The following DENND6A variants were observed in gnomAD, a reference collection of about 807,000 sequenced individuals.
DENND6A encodes the protein protein DENND6A.
DENND6A carries 43 observed loss-of-function variants against 95.5 expected under a neutral mutation model. That is an observed-to-expected ratio of 0.45 (90% CI 0.35 to 0.58). The LOEUF (loss-of-function observed/expected upper bound fraction) is 0.58. Ranked by LOEUF, DENND6A falls within the 20% of genes least tolerant of loss-of-function variation. DENND6A has a pLI of 0.00. For synonymous variants in DENND6A, 257 were observed against 260.4 expected, an observed-to-expected ratio of 0.99 and a Z score of 0.13; for missense variants, 574 against 736.0, an observed-to-expected ratio of 0.78 and a Z score of 2.55.
chr3:57,686,806 G>A (rs192538460), intron 1 of DENND6A, among the ~76,000 whole-genome samples: 264 of 152,130 alleles, frequency 1.7e-3, no homozygotes, highest in African/African-American at 6.0e-3. Flanking sequence ...TCCCTATTCC[G>A]TAAGACACAA....
intron 5 of DENND6A, 78 bp downstream of exon 5, chr3:57,663,558 A>C: frequency 1.0e-6 from 1 of 962,318 alleles, no homozygotes; most frequent in Non-Finnish European, 1.5e-6. Flanking sequence ...GACTTTAAAG[A>C]CTCTTAAATC....
rs1477286657 is a variant in DENND6A at position 57,630,780 on chromosome 3, T to C, written c.1452A>G (p.Lys484=). 2.5e-6 allele frequency: 4 copies of C among 1,613,954 alleles called. No individual in the cohort carries two copies. Among genetic ancestry groups the C allele is most frequent in the Non-Finnish European group, 3.4e-6 (4 of 1,179,998 alleles). Residue 484 remains lysine, a synonymous_variant, in exon 17 of 20, where the codon AAA becomes AAG. Coordinates refer to ENST00000311128, the MANE Select transcript of DENND6A (RefSeq NM_152678.3). ...GCTGAGGTCCTGTTTTCTCAAGTGT[T>C]TTCATAAATTCTTCTGGAAGAAACT... ...LRQFLPEEFM[K]TLEKTGPQLT...
chr3:57,628,325 G>A lies in DENND6A; in HGVS notation c.1716C>T (p.His572=). The change falls in exon 20 of 20, where the codon CAC becomes CAT. Residue 572 remains histidine (H), a synonymous_variant. Transcript: ENST00000311128. ...CCATAGTGTCAGGTTTCACAGGTAA[G>A]TGCTCTCGATCAGCCTGCAACTACA... is the stretch of plus-strand genomic sequence containing the variant. ...KNKLLQADRE[H]LPVKPDTMEK... is the part of the protein sequence containing the mutation. 3 of 1,614,082 alleles carry A rather than the reference G, an allele frequency of 1.9e-6. No homozygotes were observed. The highest frequency in any genetic ancestry group is 2.5e-6 in the Non-Finnish European group (3 of 1,180,006).
intron 12 of DENND6A, among the ~76,000 whole-genome samples, chr3:57,640,194 G>A (rs111896229): frequency 5.8e-4 from 88 of 151,258 alleles, no homozygotes; most frequent in East Asian, 1.8e-3. Flanking sequence ...TCCTGAACCC[G>A]TGAAGCAGAG....
At chr3:57,649,917 A>ATG (rs1227418833) in intron 9 of DENND6A, among the ~76,000 whole-genome samples, 2 of 111,328 alleles carry the variant, frequency 1.8e-5, no homozygotes, top group African/African-American at 7.5e-5. Context: ...CTCTCTGTAT[A>ATG]TATATACACA....
At chr3:57,651,950 T>C (rs1384704667) in intron 9 of DENND6A, among the ~76,000 whole-genome samples, 1 of 152,172 alleles carries the variant, frequency 6.6e-6, no homozygotes, top group African/African-American at 2.4e-5. Context: ...GGCTCACTCC[T>C]GTAACCCCAA....
chr3:57,628,954 T>TAAGG, intron 18 of DENND6A, 69 bp from the exon 19 acceptor site: 1 of 1,384,988 alleles, frequency 7.2e-7, no homozygotes, highest in Non-Finnish European at 1.0e-6. Context: ...TTTCAATAGG[T>TAAGG]AAGGCTACTG....
Position 57,657,703 on chromosome 3 carries a change from A to G in DENND6A, c.795T>C (p.Thr265=). ...ACCTGAAAATATCCACCTCATGAACAGTAGGTAAAATAACAGATATATTTG... is the reference window on the plus strand; with the variant it reads ...ACCTGAAAATATCCACCTCATGAACGGTAGGTAAAATAACAGATATATTTG... ...VDTNISVILP[T]VHEVDIFRCF... Residue 265 remains threonine (T), a synonymous_variant, in exon 9 of 20, where the codon ACT becomes ACC. Coordinates refer to ENST00000311128, the MANE Select transcript of DENND6A (RefSeq NM_152678.3). 6.3e-7 allele frequency: 1 copy of G among 1,585,404 alleles called. No homozygotes were observed. The highest frequency in any genetic ancestry group is 1.4e-5 in the African/African-American group (1 of 74,022).
chr3:57,688,503 C>G (rs1192170761), intron 1 of DENND6A, among the ~76,000 whole-genome samples: 2 of 151,952 alleles, frequency 1.3e-5, no homozygotes, highest in Non-Finnish European at 2.9e-5. Context: ...CTGTCCCATG[C>G]TGAGCCAATC....
intron 1 of DENND6A, among the ~76,000 whole-genome samples, chr3:57,682,108 C>T (rs1013847887): frequency 6.6e-6 from 1 of 151,866 alleles, no homozygotes. Flanking sequence ...ATTGTTAAAC[C>T]ATTTCCTATG....
intron 3 of DENND6A, among the ~76,000 whole-genome samples, chr3:57,670,787 A>G (rs1376329881): frequency 6.6e-6 from 1 of 152,214 alleles, no homozygotes. Context: ...TATGATCTGA[A>G]AGAGAAGAGC....
At chr3:57,640,093 AC>A (rs1451008524) in intron 12 of DENND6A, among the ~76,000 whole-genome samples, 1 of 151,132 alleles carries the variant, frequency 6.6e-6, no homozygotes, top group Non-Finnish European at 1.5e-5. Context: ...ACATGGTGAA[AC>A]CCCGTCTCTA....
chr3:57,669,441 C>T (rs1260120748), intron 3 of DENND6A, among the ~76,000 whole-genome samples: 2 of 151,946 alleles, frequency 1.3e-5, no homozygotes, highest in African/African-American at 4.8e-5. Context: ...ATCAGTCAGG[C>T]GTGGTAGCTC....
chr3:57,629,524 T>C (rs1249669824), intron 18 of DENND6A, among the ~76,000 whole-genome samples: 1 of 146,276 alleles, frequency 6.8e-6, no homozygotes, highest in Non-Finnish European at 1.5e-5. Flanking sequence ...TTTTTTTTTT[T>C]TTTTTGAGAC....
intron 1 of DENND6A, among the ~76,000 whole-genome samples, chr3:57,689,272 A>G (rs2077239405): frequency 6.6e-6 from 1 of 151,594 alleles, no homozygotes; most frequent in African/African-American, 2.4e-5. Context: ...TGATTTCTTT[A>G]CTTGCCAAGT....
At chr3:57,676,143 C>T (rs1267196396) in intron 1 of DENND6A, among the ~76,000 whole-genome samples, 1 of 151,744 alleles carries the variant, frequency 6.6e-6, no homozygotes. Context: ...TTTGGGAGGC[C>T]GGGGTGGGCA....
At chr3:57,692,671 C>T in intron 1 of DENND6A, 111 bp downstream of exon 1, 2 of 1,028,656 alleles carry the variant, frequency 1.9e-6, no homozygotes, top group Non-Finnish European at 1.3e-6. Flanking sequence ...TGGCCACGCC[C>T]GGATGCGCCG....
intron 1 of DENND6A, among the ~76,000 whole-genome samples, chr3:57,673,213 CAAAAAAAAAA>C (rs386396751): frequency 2.8e-5 from 2 of 70,714 alleles, no homozygotes. Flanking sequence ...CATTTCGTAT[CAAAAAAAAAA>C]AAAAAAAAAG....
rs891744581 is a variant in DENND6A at position 57,646,348 on chromosome 3, C to T, written c.909G>A (p.Ser303=). 15 of 1,613,814 alleles carry T rather than the reference C, an allele frequency of 9.3e-6. No individual in the cohort carries two copies. Among genetic ancestry groups the T allele is most frequent in the Non-Finnish European group, 1.2e-5 (14 of 1,179,994 alleles). ...EPLVVMAPSP[S]ESSETVLALV... is the part of the protein sequence containing the mutation. ...GTGCCAATACAGTCTCTGATGATTC[C>T]GATGGTGATGGCGCCATAACCACAA... Residue 303 remains serine, a synonymous_variant, in exon 10 of 20, where the codon TCG becomes TCA. Coordinates refer to ENST00000311128, the MANE Select transcript of DENND6A (RefSeq NM_152678.3).
Sources: gnomAD v4.1 joint callset for allele counts (sites outside exome capture counted in the v4.1 genomes callset) on GRCh38, gnomAD v4.1.1 for gene constraint, MANE v1.5 for transcripts, NCBI Gene and HGNC (gene_info 2026-07-23, HGNC 2026-07-21) for gene names.